DPH6: variants seen among roughly 807,000 people sequenced by gnomAD.
DPH6 encodes the protein diphthamine biosynthesis 6, also known as diphthine--ammonia ligase.
Under a neutral mutation model 38.2 loss-of-function variants are expected in DPH6, and 33 were observed. The observed-to-expected ratio is 0.86, with a 90% CI of 0.65 to 1.15. The LOEUF is 1.15. Among genes scored for constraint, DPH6 ranks in the 50% most tolerant of loss-of-function variants. The pLI, the probability that DPH6 is intolerant of heterozygous loss-of-function variation, is 0.00. For synonymous variants in DPH6, 108 were observed against 103.0 expected, an observed-to-expected ratio of 1.05 and a Z score of -0.30; for missense variants, 325 against 320.0, an observed-to-expected ratio of 1.02 and a Z score of -0.12.
intron 3 of DPH6, among the ~76,000 whole-genome samples, chr15:35,515,853 G>GT (rs922437839): frequency 2.8e-4 from 43 of 151,698 alleles, no homozygotes; most frequent in African/African-American, 1.0e-3. Context: ...AATTATGCTT[G>GT]TAGCACTGCA....
chr15:35,153,150 CATTT>C, the DPH6 span, among the ~76,000 whole-genome samples: 1 of 152,046 alleles, frequency 6.6e-6, no homozygotes, highest in African/African-American at 2.4e-5. Flanking sequence ...CAGCCCCACC[CATTT>C]ATTTATGTAT....
chr15:35,430,833 G>A (rs1169011092), intron 5 of DPH6, among the ~76,000 whole-genome samples: 1 of 152,000 alleles, frequency 6.6e-6, no homozygotes. Context: ...ACCCATAGCT[G>A]TATCTTATCT....
chr15:35,387,065 G>C (rs2052973191), intron 6 of DPH6, among the ~76,000 whole-genome samples: 1 of 152,172 alleles, frequency 6.6e-6, no homozygotes, highest in Admixed American at 6.5e-5. Flanking sequence ...CATGTAGCTA[G>C]CCAGTTTTCC....
At chr15:35,334,313 C>T (rs2052350407) in intron 3 of DPH6, among the ~76,000 whole-genome samples, 1 of 152,046 alleles carries the variant, frequency 6.6e-6, no homozygotes. Flanking sequence ...AAAAATATAG[C>T]TTGAAGATAA....
At chr15:35,292,394 A>C (rs961472525) in intron 3 of DPH6, among the ~76,000 whole-genome samples, 1 of 152,172 alleles carries the variant, frequency 6.6e-6, no homozygotes, top group South Asian at 2.1e-4. Context: ...AAAGATATCT[A>C]GCTTAACATT....
chr15:35,508,191 T>C (rs890923941), intron 3 of DPH6, among the ~76,000 whole-genome samples: 21 of 152,128 alleles, frequency 1.4e-4, no homozygotes, highest in African/African-American at 4.6e-4. Flanking sequence ...CTTGGATAGC[T>C]ACATTCTGCA....
intron 3 of DPH6, among the ~76,000 whole-genome samples, chr15:35,271,317 C>G (rs1199071727): frequency 6.6e-6 from 1 of 152,132 alleles, no homozygotes; most frequent in Admixed American, 6.5e-5. Context: ...CCCCCTACCC[C>G]CAATTGGGTA....
intron 3 of DPH6, among the ~76,000 whole-genome samples, chr15:35,318,255 T>C (rs1228637270): frequency 6.6e-6 from 1 of 152,060 alleles, no homozygotes; most frequent in Non-Finnish European, 1.5e-5. Flanking sequence ...TATTTTATTA[T>C]TGAAGTGGAA....
At chr15:35,379,503 C>T (rs894959625) in intron 7 of DPH6, among the ~76,000 whole-genome samples, 2 of 152,140 alleles carry the variant, frequency 1.3e-5, no homozygotes, top group African/African-American at 2.4e-5. Flanking sequence ...AGGAACTAAG[C>T]TCATCTTTTA....
intron 3 of DPH6, among the ~76,000 whole-genome samples, chr15:35,290,314 T>C (rs1185900885): frequency 1.3e-5 from 2 of 152,204 alleles, no homozygotes; most frequent in Non-Finnish European, 2.9e-5. Context: ...CAGAGGAATA[T>C]GACGATGTGA....
intron 3 of DPH6, among the ~76,000 whole-genome samples, chr15:35,362,925 C>G (rs1359937942): frequency 1.3e-5 from 2 of 152,194 alleles, no homozygotes; most frequent in South Asian, 4.1e-4. Context: ...TCACTTCCCA[C>G]TCTGCGATCT....
chr15:35,171,229 T>C, the DPH6 span, among the ~76,000 whole-genome samples: 1 of 152,222 alleles, frequency 6.6e-6, no homozygotes, highest in Non-Finnish European at 1.5e-5. Context: ...GCCACTGCAG[T>C]GACATGCCAC....
intron 6 of DPH6, among the ~76,000 whole-genome samples, chr15:35,409,705 A>T (rs549636286): frequency 6.6e-6 from 1 of 151,968 alleles, no homozygotes; most frequent in South Asian, 2.1e-4. Context: ...TGTAAACATG[A>T]TATAATGGAG....
intron 5 of DPH6, among the ~76,000 whole-genome samples, chr15:35,444,757 G>A (rs1257124653): frequency 6.6e-6 from 1 of 152,126 alleles, no homozygotes; most frequent in Non-Finnish European, 1.5e-5. Context: ...ATTTCCAGAT[G>A]CAGCCAGTCT....
intron 3 of DPH6, among the ~76,000 whole-genome samples, chr15:35,253,696 G>A (rs1043131470): frequency 6.6e-6 from 1 of 152,090 alleles, no homozygotes; most frequent in Non-Finnish European, 1.5e-5. Context: ...ATCTTTTTAA[G>A]TACCCCTTCA....
chr15:35,518,451 C>T (rs911962101), intron 3 of DPH6, among the ~76,000 whole-genome samples: 1 of 151,968 alleles, frequency 6.6e-6, no homozygotes, highest in African/African-American at 2.4e-5. Context: ...TAAGTATTTT[C>T]AGATACACTA....
chr15:35,363,709 CTTT>C (rs903814684), intron 3 of DPH6, among the ~76,000 whole-genome samples: 2 of 151,688 alleles, frequency 1.3e-5, no homozygotes, highest in African/African-American at 2.4e-5. Flanking sequence ...ACTGTTTTGC[CTTT>C]TTTCTTTTTC....
chr15:35,364,513 C>T (rs1046850377), intron 3 of DPH6, among the ~76,000 whole-genome samples: 3 of 152,048 alleles, frequency 2.0e-5, no homozygotes, highest in Non-Finnish European at 2.9e-5. Context: ...AAACAGATTA[C>T]TGTCATCCTG....
At chr15:35,399,029 T>C (rs73378726) in intron 6 of DPH6, among the ~76,000 whole-genome samples, 4,843 of 152,248 alleles carry the variant, frequency 0.032, 260 homozygotes, top group African/African-American at 0.11. Context: ...ACATACCTAG[T>C]GCTTACAATC....
Sources: allele counts gnomAD v4.1 joint callset (sites outside exome capture counted in the v4.1 genomes callset), GRCh38; gene constraint gnomAD v4.1.1; transcripts MANE v1.5; gene names NCBI Gene and HGNC (gene_info 2026-07-23, HGNC 2026-07-21).